The following SLC37A2 variants were observed in gnomAD, a reference collection of about 807,000 sequenced individuals.
SLC37A2 encodes solute carrier family 37 member 2.
Under a neutral mutation model 70.7 loss-of-function variants are expected in SLC37A2, and 59 were observed. That is an observed-to-expected ratio of 0.83 (90% CI 0.68 to 1.04). The LOEUF (loss-of-function observed/expected upper bound fraction) is 1.04, where lower values mean the gene tolerates loss of function less well. Ranked by LOEUF, SLC37A2 falls within the 50% of genes least tolerant of loss-of-function variation. The probability of loss-of-function intolerance (pLI) is 0.00; values close to 1 mark genes in which losing one functional copy is unlikely to be tolerated. For missense variants in SLC37A2, 580 were observed against 658.1 expected, an observed-to-expected ratio of 0.88 and a Z score of 1.30; for synonymous variants, 257 against 262.1, an observed-to-expected ratio of 0.98 and a Z score of 0.19.
chr11:125,063,330 T>G lies in SLC37A2; in HGVS notation c.-38T>G, dbSNP rs749304984. On this transcript the variant is annotated 5_prime_UTR_variant, in exon 1 of 18. Transcript: ENST00000403796. This position sits in a 1 kb window ranked among gnomAD's most constrained non-coding sequence, Gnocchi z 5.4. ...GGGACACGCGCCCAGCTCTGTAGCC[T>G]CCTCCGTCGACTCAGCCTTAGGTAC... 5.5e-6 allele frequency: 8 copies of G among 1,462,996 alleles called. No individual in the cohort carries two copies. In the African/African-American group the frequency reaches 1.1e-4, roughly 20 times the overall value. The allele number at this position is 1,462,996 out of a possible 1,614,324, so 90.6% of individuals were successfully genotyped here.
At chr11:125,082,105 T>C (rs1019264799) in intron 9 of SLC37A2, 139 bp from the exon 10 acceptor site, 4 of 997,764 alleles carry the variant, frequency 4.0e-6, no homozygotes, top group South Asian at 1.5e-5. Flanking sequence ...GTTGCTTTTA[T>C]TGGGACTGGA....
intron 1 of SLC37A2, among the ~76,000 whole-genome samples, chr11:125,076,472 G>A (rs1172580041): frequency 6.6e-6 from 1 of 152,212 alleles, no homozygotes; most frequent in East Asian, 1.9e-4. Context: ...AAAAGCAGAG[G>A]TGCTGCCAGC....
chr11:125,070,837 T>A (rs115082408), intron 1 of SLC37A2, among the ~76,000 whole-genome samples: 31 of 152,352 alleles, frequency 2.0e-4, no homozygotes, highest in African/African-American at 6.7e-4. Flanking sequence ...TCTTCCACCC[T>A]GCTGTTTCCT....
intron 10 of SLC37A2, 114 bp downstream of exon 10, chr11:125,082,448 C>A: frequency 1.1e-6 from 1 of 882,610 alleles, no homozygotes; most frequent in East Asian, 2.5e-5. Flanking sequence ...GGCAGAATTC[C>A]TGCTGAACCT....
At chr11:125,077,034 G>A (rs7103889) in intron 2 of SLC37A2, among the ~76,000 whole-genome samples, 196 bp downstream of exon 2, 22,678 of 152,174 alleles carry the variant, frequency 0.15, 2,483 homozygotes, top group East Asian at 0.6. Context: ...AGCGTGCAGG[G>A]CCCCTGGGCT....
At position 125,083,222 on chromosome 11, in the gene SLC37A2, A is replaced by G. The variant is rs7950682; in HGVS notation, c.977-593A>G. ...GGCCTCTCTCGTGACAGTGTGGAGCACTAGGGCAGCTTTGTGGACACCGTG... is the reference window on the plus strand; with the variant it reads ...GGCCTCTCTCGTGACAGTGTGGAGCGCTAGGGCAGCTTTGTGGACACCGTG... On this transcript the variant is annotated intron_variant, in intron 10 of 17. Transcript: ENST00000403796. The surrounding 1 kb of genome is among the most constrained non-coding windows in gnomAD (Gnocchi z 4.6). The G allele has an allele frequency of 0.67, 101,804 of 152,692 alleles. 34,752 individuals are homozygous for G. Among genetic ancestry groups the G allele is most frequent in the African/African-American group, 0.81 (33,689 of 41,516 alleles). The allele number at this position is 152,692 out of a possible 1,614,324, so 9.5% of individuals were successfully genotyped here.
intron 7 of SLC37A2, 48 bp from the exon 8 acceptor site, chr11:125,081,373 G>A (rs1334705103): frequency 1.9e-6 from 3 of 1,574,206 alleles, no homozygotes; most frequent in East Asian, 2.3e-5. Context: ...CTCGGGATTG[G>A]GGGGGCGGGG....
At chr11:125,073,499 C>T (rs1434648884) in intron 1 of SLC37A2, among the ~76,000 whole-genome samples, 2 of 152,248 alleles carry the variant, frequency 1.3e-5, no homozygotes, top group African/African-American at 2.4e-5. Context: ...CGCCTCCACC[C>T]CTCCAGTCCT....
At chr11:125,070,101 G>A (rs1479709588) in intron 1 of SLC37A2, among the ~76,000 whole-genome samples, 1 of 152,222 alleles carries the variant, frequency 6.6e-6, no homozygotes, top group African/African-American at 2.4e-5. Context: ...GGAAATACCA[G>A]GGTGACCACA....
At chr11:125,074,582 G>C (rs73024307) in intron 1 of SLC37A2, among the ~76,000 whole-genome samples, 10,056 of 151,632 alleles carry the variant, frequency 0.066, 415 homozygotes, top group African/African-American at 0.12. Context: ...CAGGGGAGTC[G>C]GGGAGGGCGG....
chr11:125,077,479 G>C lies in SLC37A2; in HGVS notation c.265G>C (p.Gly89Arg). ...GGACAACTATAAGGAGTTACTAGGG[G>C]GCGTGGACAACGCCTTCCTCATCGC... ...DKDNYKELLG[G>R]VDNAFLIAYA... Residue 89 changes from glycine (G) to arginine (R), a missense_variant, in exon 4 of 18, where the codon GGC becomes CGC. Coordinates refer to ENST00000403796, the MANE Select transcript of SLC37A2 (RefSeq NM_001145290.2). 1.9e-6 allele frequency: 3 copies of C among 1,613,924 alleles called. No individual in the cohort carries two copies. In the Middle Eastern group the frequency reaches 4.9e-4, roughly 266 times the overall value.
In SLC37A2 at chr11:125,085,097, T is replaced by A; in HGVS notation, c.1206T>A (p.Asn402Lys). The change falls in exon 14 of 18, where the codon AAT (asparagine) becomes AAA (lysine). Residue 402 changes from asparagine to lysine, a missense_variant. By Grantham distance (94) the Asn-to-Lys change is moderately conservative. Coordinates refer to ENST00000403796, the MANE Select transcript of SLC37A2 (RefSeq NM_001145290.2). ...VMLIICGGLV[N>K]GPYALITTAV... is the part of the protein sequence containing the mutation. Reference sequence around the variant, plus strand: ...TGATCATCTGTGGGGGCCTGGTCAATGGCCCATACGCGCTCATCACCACTG... The same window carrying A: ...TGATCATCTGTGGGGGCCTGGTCAAAGGCCCATACGCGCTCATCACCACTG... The A allele has an allele frequency of 6.2e-7, 1 of 1,614,104 alleles. No homozygotes were observed. The highest frequency in any genetic ancestry group is 2.2e-5 in the East Asian group (1 of 44,886).
chr11:125,071,814 G>A (rs994543654), intron 1 of SLC37A2, among the ~76,000 whole-genome samples: 3 of 141,086 alleles, frequency 2.1e-5, no homozygotes, highest in African/African-American at 8.1e-5. Context: ...CCTTTTCCTA[G>A]CAGGGTATCT....
Position 125,080,509 on chromosome 11 carries a change from A to C in SLC37A2, c.528-105A>C. The C allele has an allele frequency of 4.5e-6, 5 of 1,108,810 alleles. No individual in the cohort carries two copies. Among genetic ancestry groups the C allele is most frequent in the Non-Finnish European group, 6.0e-6 (5 of 831,622 alleles). 68.7% of individuals were successfully genotyped at this position (1,108,810 alleles called of 1,614,324 possible). ...GGGGCTGTCTTTGGTGCCTCGGGGA[A>C]GCTGTAGTCAGCCCAGCTTTAGAGC... On this transcript the variant is annotated intron_variant, in intron 6 of 17. Transcript: ENST00000403796. This position sits in a 1 kb window ranked among gnomAD's most constrained non-coding sequence, Gnocchi z 4.3.
At chr11:125,076,673 A>C in intron 1 of SLC37A2, 84 bp from the exon 2 acceptor site, 1 of 1,271,752 alleles carries the variant, frequency 7.9e-7, no homozygotes, top group Non-Finnish European at 1.1e-6. Flanking sequence ...GGACTGCCAG[A>C]GGGGACACGG....
chr11:125,069,266 AT>A (rs1294586904), intron 1 of SLC37A2, among the ~76,000 whole-genome samples: 1 of 152,248 alleles, frequency 6.6e-6, no homozygotes, highest in Non-Finnish European at 1.5e-5. Context: ...CACACAGCTG[AT>A]AAATGACTGA....
intron 12 of SLC37A2, 111 bp downstream of exon 12, chr11:125,084,430 C>T (rs910457947): frequency 2.4e-5 from 26 of 1,088,496 alleles, no homozygotes; most frequent in South Asian, 1.1e-4. Flanking sequence ...GCTGTGTACG[C>T]GTGCACATGC....
At chr11:125,082,160 G>C in intron 9 of SLC37A2, 84 bp from the exon 10 acceptor site, 2 of 1,313,410 alleles carry the variant, frequency 1.5e-6, no homozygotes, top group Non-Finnish European at 1.1e-6. Context: ...AAAGTACTGG[G>C]GTGGTGCTGA....
chr11:125,067,272 A>G (rs535508932), intron 1 of SLC37A2, among the ~76,000 whole-genome samples: 17 of 152,286 alleles, frequency 1.1e-4, no homozygotes, highest in Admixed American at 9.2e-4. Context: ...GATTGCAGAC[A>G]TGAGCCACCA....
Sources: allele counts gnomAD v4.1 joint callset (sites outside exome capture counted in the v4.1 genomes callset), GRCh38; gene constraint gnomAD v4.1.1; non-coding constraint Gnocchi (gnomAD v3.1); transcripts MANE v1.5; gene names NCBI Gene and HGNC (gene_info 2026-07-23, HGNC 2026-07-21).